The following ZNF354A variants were observed in gnomAD, a reference collection of about 807,000 sequenced individuals.
ZNF354A encodes the protein epididymis luminal protein 104.
In ZNF354A, 25 loss-of-function variants were observed where a neutral mutation model predicts 53.3. That is an observed-to-expected ratio of 0.47 (90% CI 0.34 to 0.66). ZNF354A has a LOEUF of 0.66. Among genes scored for constraint, ZNF354A ranks in the 30% least tolerant of loss-of-function variants. The pLI, the probability that ZNF354A is intolerant of heterozygous loss-of-function variation, is 0.01. For missense variants in ZNF354A, 586 were observed against 716.8 expected, an observed-to-expected ratio of 0.82 and a Z score of 2.08; for synonymous variants, 228 against 249.0, an observed-to-expected ratio of 0.92 and a Z score of 0.79.
At chr5:178,713,671 T>C (rs768983310) in intron 4 of ZNF354A, 50 bp from the exon 5 acceptor site, 1 of 1,498,270 alleles carries the variant, frequency 6.7e-7, no homozygotes, top group Non-Finnish European at 8.8e-7. Context: ...TCATAGCATC[T>C]GACTACTGAG....
chr5:178,712,519 A>G lies in ZNF354A; in HGVS notation c.1359T>C (p.Leu453=). The change falls in exon 5 of 5, where the codon CTT becomes CTC. Residue 453 remains leucine (L), a synonymous_variant. Coordinates refer to ENST00000335815, the MANE Select transcript of ZNF354A (RefSeq NM_005649.3). ...CAGTATGAATTCGCTCGTGAATAAT[A>G]AGTGTTGAGTGGGAGCTTAAGGCTT... ...CGKALSSHST[L]IIHERIHTGE... 6.2e-7 allele frequency: 1 copy of G among 1,614,188 alleles called. No individual in the cohort carries two copies. The highest frequency in any genetic ancestry group is 1.7e-5 in the Admixed American group (1 of 60,020).
rs778048274 is a variant in ZNF354A at position 178,725,476 on chromosome 5, A to C, written c.161-5T>G. On this transcript the variant is annotated splice_polypyrimidine_tract_variant and splice_region_variant and intron_variant, in intron 3 of 4. Transcript: ENST00000335815. ...TTGGTTTGGTAAATGGGAGCCCTGC[A>C]CATAAACAAAAAACCACAACCAAAC... 2 of 1,613,526 alleles carry C rather than the reference A, an allele frequency of 1.2e-6. No individual in the cohort carries two copies. The highest frequency in any genetic ancestry group is 3.3e-5 in the Admixed American group (2 of 59,864).
At chr5:178,726,341 C>T (rs186494513) in intron 3 of ZNF354A, 17 of 362,712 alleles carry the variant, frequency 4.7e-5, no homozygotes, top group South Asian at 1.0e-4. Flanking sequence ...GACAGAGTCT[C>T]GCTTTGTCGC....
intron 4 of ZNF354A, among the ~76,000 whole-genome samples, chr5:178,723,917 C>A (rs936769862): frequency 1.3e-5 from 2 of 151,766 alleles, no homozygotes; most frequent in Admixed American, 1.3e-4. Context: ...AATGCTGTTT[C>A]CTGAAATTCG....
At chr5:178,716,607 G>T (rs1765719299) in intron 4 of ZNF354A, among the ~76,000 whole-genome samples, 1 of 152,108 alleles carries the variant, frequency 6.6e-6, no homozygotes, top group Admixed American at 6.6e-5. Flanking sequence ...GGGGAAGGAG[G>T]GGGATGAAGG....
At chr5:178,723,689 C>T (rs905651756) in intron 4 of ZNF354A, among the ~76,000 whole-genome samples, 2 of 151,988 alleles carry the variant, frequency 1.3e-5, no homozygotes, top group Non-Finnish European at 2.9e-5. Context: ...CACCTTGTCC[C>T]CCACTAGATC....
chr5:178,712,949 C>G lies in ZNF354A; in HGVS notation c.929G>C (p.Arg310Thr). The stretch of plus-strand genomic sequence containing the variant: ...TTTTTGATGTATAAAAAGGCCTGAC[C>G]TTCGGCTGAAGGATTTACCACATTC... ...CKECGKSFSR[R>T]SGLFIHQKIH... The change falls in exon 5 of 5, where the codon AGG becomes ACG. Residue 310 changes from arginine (R) to threonine (T), a missense_variant. By Grantham distance (71) the Arg-to-Thr change is moderately conservative (BLOSUM62 -1). This residue lies in a region of ZNF354A where 573 missense variants were observed against 680.1 expected (regional missense o/e 0.84). Transcript: ENST00000335815. The G allele has an allele frequency of 6.2e-7, 1 of 1,614,028 alleles. No individual in the cohort carries two copies.
At position 178,712,913 on chromosome 5, in the gene ZNF354A, T is replaced by G; in HGVS notation, c.965A>C (p.Glu322Ala). The G allele has an allele frequency of 6.2e-7, 1 of 1,614,146 alleles. No individual in the cohort carries two copies. ...GLFIHQKIHA[E>A]ENPCKYNPGR... is the part of the protein sequence containing the mutation. ...CGGATTATACTTACAAGGGTTTTCTTCAGCATGAATTTTTTGATGTATAAA... is the reference window on the plus strand; with the variant it reads ...CGGATTATACTTACAAGGGTTTTCTGCAGCATGAATTTTTTGATGTATAAA... Residue 322 changes from glutamate to alanine, a missense_variant, in exon 5 of 5, where the codon GAA becomes GCA. Physicochemically the swap from Glu to Ala is moderately radical, Grantham distance 107. This residue lies in a region of ZNF354A where 573 missense variants were observed against 680.1 expected (regional missense o/e 0.84). Transcript: ENST00000335815.
At chr5:178,730,091 T>G (rs932427463) in intron 1 of ZNF354A, among the ~76,000 whole-genome samples, 8 of 151,208 alleles carry the variant, frequency 5.3e-5, no homozygotes, top group Admixed American at 1.3e-4. Flanking sequence ...GGTCTCGATC[T>G]CCTGACCTCG....
chr5:178,712,252 C>A lies in ZNF354A; in HGVS notation c.1626G>T (p.Arg542Ser). The stretch of plus-strand genomic sequence containing the variant: ...TAAAGGGTTTTTCTCCTGTATGAAT[C>A]CTTCGATGCTGAATAAGAGCTGAAC... ...GQSSALIQHR[R>S]IHTGEKPFKC... Residue 542 changes from arginine (R) to serine (S), a missense_variant, in exon 5 of 5, where the codon AGG becomes AGT. Coordinates refer to ENST00000335815, the MANE Select transcript of ZNF354A (RefSeq NM_005649.3). 5 of 1,614,028 alleles carry A rather than the reference C, an allele frequency of 3.1e-6. No individual in the cohort carries two copies. The highest frequency in any genetic ancestry group is 3.4e-6 in the Non-Finnish European group (4 of 1,179,974).
At chr5:178,719,740 G>A (rs1425833347) in intron 4 of ZNF354A, among the ~76,000 whole-genome samples, 1 of 152,100 alleles carries the variant, frequency 6.6e-6, no homozygotes, top group Non-Finnish European at 1.5e-5. Context: ...GAGGTCAGGA[G>A]ATCGAGACCA....
chr5:178,712,944 C>G lies in ZNF354A; in HGVS notation c.934G>C (p.Gly312Arg). The G allele has an allele frequency of 6.2e-7, 1 of 1,613,994 alleles. No individual in the cohort carries two copies. Among genetic ancestry groups the G allele is most frequent in the South Asian group, 1.1e-5 (1 of 91,070 alleles). The change falls in exon 5 of 5, where the codon GGC becomes CGC. Residue 312 changes from glycine to arginine, a missense_variant. Physicochemically the swap from Gly to Arg is moderately radical, Grantham distance 125. Transcript: ENST00000335815. ...TGAATTTTTTGATGTATAAAAAGGC[C>G]TGACCTTCGGCTGAAGGATTTACCA... is the stretch of plus-strand genomic sequence containing the variant. ...ECGKSFSRRS[G>R]LFIHQKIHAE... is the part of the protein sequence containing the mutation.
At chr5:178,726,283 C>T (rs1765905860) in intron 3 of ZNF354A, 1 of 449,354 alleles carries the variant, frequency 2.2e-6, no homozygotes, top group Non-Finnish European at 4.5e-6. Flanking sequence ...GACCATTACG[C>T]AGCCCACAAA....
chr5:178,730,065 CCG>C (rs1419847594), intron 1 of ZNF354A, among the ~76,000 whole-genome samples: 1 of 151,964 alleles, frequency 6.6e-6, no homozygotes, highest in Non-Finnish European at 1.5e-5. Flanking sequence ...CGGGGTTTCA[CCG>C]TGTTAGTCAG....
rs1244236459 is a variant in ZNF354A, at chr5:178,712,901, C to T, written c.977G>A (p.Cys326Tyr). 2 of 1,614,066 alleles carry T rather than the reference C, an allele frequency of 1.2e-6. No individual in the cohort carries two copies. Among genetic ancestry groups the T allele is most frequent in the East Asian group, 4.5e-5 (2 of 44,872 alleles). The change falls in exon 5 of 5, where the codon TGT becomes TAT. Residue 326 changes from cysteine to tyrosine, a missense_variant. By Grantham distance (194) the Cys-to-Tyr change is radical (BLOSUM62 -2). Around this residue, in one of 2 missense-constraint regions of ZNF354A, gnomAD observed 573 missense variants for 680.1 expected, o/e 0.84. Transcript: ENST00000335815. ...HQKIHAEENP[C>Y]KYNPGRKASS... ...TGCCTTCCTACCCGGATTATACTTA[C>T]AAGGGTTTTCTTCAGCATGAATTTT...
chr5:178,718,100 A>G (rs1765747668), intron 4 of ZNF354A, among the ~76,000 whole-genome samples: 1 of 152,192 alleles, frequency 6.6e-6, no homozygotes, highest in South Asian at 2.1e-4. Flanking sequence ...TCCATTATCA[A>G]TTCTGGAAAA....
intron 4 of ZNF354A, among the ~76,000 whole-genome samples, chr5:178,720,343 G>A (rs1765789739): frequency 6.6e-6 from 1 of 152,140 alleles, no homozygotes; most frequent in African/African-American, 2.4e-5. Flanking sequence ...TTTAAAATAT[G>A]GTCTTTGCAC....
In ZNF354A at chr5:178,721,643, CCA is replaced by C. The variant is rs200499780; in HGVS notation, c.256+3731_256+3732del. On this transcript the variant is annotated intron_variant, in intron 4 of 4. Transcript: ENST00000335815. The stretch of plus-strand genomic sequence containing the variant: ...TCCACTTTACAGCTGTGTGGACGTA[CCA>C]CAGTTTATCATCCTTGGAGTGCCTT... 5.5e-3 allele frequency among the ~76,000 whole-genome samples: 835 copies of C among 152,272 alleles called. 8 individuals carry two copies. The highest frequency in any genetic ancestry group is 0.019 in the African/African-American group (809 of 41,536).
At position 178,712,003 on chromosome 5, in the gene ZNF354A, A is replaced by G. The variant is rs1228627965; in HGVS notation, c.*57T>C. 6.6e-6 allele frequency: 10 copies of G among 1,512,862 alleles called. No individual in the cohort carries two copies. The highest frequency in any genetic ancestry group is 1.4e-5 in the South Asian group (1 of 72,786). 93.7% of individuals were successfully genotyped at this position (1,512,862 alleles called of 1,614,324 possible). A position where few individuals can be genotyped will look rare whatever the true frequency, so the allele number is the denominator to read the frequency against. Reference sequence around the variant, plus strand: ...CATTACATTTATTACATCTCTCTCAAGGATGTATTCTTCGATGAGCTTTGG... The same window carrying G: ...CATTACATTTATTACATCTCTCTCAGGGATGTATTCTTCGATGAGCTTTGG... On this transcript the variant is annotated 3_prime_UTR_variant, in exon 5 of 5. Coordinates refer to ENST00000335815, the MANE Select transcript of ZNF354A (RefSeq NM_005649.3).
Sources: allele counts gnomAD v4.1 joint callset (sites outside exome capture counted in the v4.1 genomes callset), GRCh38; gene constraint gnomAD v4.1.1; regional missense constraint gnomAD v4.1.1; transcripts MANE v1.5; gene names NCBI Gene and HGNC (gene_info 2026-07-23, HGNC 2026-07-21).